Variants in SLC30A6 observed in about 807,000 individuals in gnomAD.
SLC30A6 encodes the protein zinc transporter 6.
Under a neutral mutation model 63.0 loss-of-function variants are expected in SLC30A6, and 55 were observed. The observed-to-expected ratio is 0.87, with a 90% CI of 0.70 to 1.09. The LOEUF (loss-of-function observed/expected upper bound fraction) is 1.09, where lower values mean the gene tolerates loss of function less well. Among genes scored for constraint, SLC30A6 ranks in the 50% least tolerant of loss-of-function variants. The pLI, the probability that SLC30A6 is intolerant of heterozygous loss-of-function variation, is 0.00. For missense variants in SLC30A6, 587 were observed against 549.2 expected (o/e 1.07, Z -0.69); for synonymous variants, 224 against 186.1 (o/e 1.20, Z -1.66).
At chr2:32,201,465 C>A (rs1048123829) in intron 10 of SLC30A6, 4 of 423,536 alleles carry the variant, frequency 9.4e-6, no homozygotes, top group Admixed American at 4.4e-5. Flanking sequence ...ATTAGTCTTT[C>A]TGTATCAAAA....
At position 32,220,735 on chromosome 2, in the gene SLC30A6, A is replaced by G. The variant is rs1686095320; in HGVS notation, c.*22A>G. 1.9e-6 allele frequency: 3 copies of G among 1,589,902 alleles called. No homozygotes were observed. Among genetic ancestry groups the G allele is most frequent in the Non-Finnish European group, 1.7e-6 (2 of 1,167,424 alleles). ...ATGATAGACTCTAACTTATTTTTAT[A>G]AGGAATATTGACTCCTTGGCTTCCA... On this transcript the variant is annotated 3_prime_UTR_variant, in exon 14 of 14. Coordinates refer to ENST00000282587, the MANE Select transcript of SLC30A6 (RefSeq NM_017964.5).
At chr2:32,203,117 T>C in intron 10 of SLC30A6, 1 of 1,309,420 alleles carries the variant, frequency 7.6e-7, no homozygotes, top group Non-Finnish European at 1.1e-6. Context: ...AAGGTAGTTT[T>C]AAAGTTTTGG....
intron 13 of SLC30A6, among the ~76,000 whole-genome samples, chr2:32,219,060 C>G (rs1685941376): frequency 6.6e-6 from 1 of 152,044 alleles, no homozygotes; most frequent in Non-Finnish European, 1.5e-5. Flanking sequence ...CTTCCTTCTT[C>G]CCTTCTTCTC....
intron 4 of SLC30A6, among the ~76,000 whole-genome samples, chr2:32,179,745 G>C (rs1283593482): frequency 1.3e-5 from 2 of 151,996 alleles, no homozygotes; most frequent in Non-Finnish European, 1.5e-5. Flanking sequence ...ATAAGAATAC[G>C]TACATGTATA....
At position 32,220,231 on chromosome 2, in the gene SLC30A6, A is replaced by G. The variant is rs139809110; in HGVS notation, c.904A>G (p.Arg302Gly). Residue 302 changes from arginine (R) to glycine (G), a missense_variant, in exon 14 of 14, where the codon AGA becomes GGA. Arg to Gly is a moderately radical substitution (Grantham distance 125). Transcript: ENST00000282587. The part of the protein sequence containing the change: ...FGSLAGSVHV[R>G]IRRDANEQMV... ...CTTTTAGGCTGGATCAGTGCATGTA[A>G]GAATTCGACGAGATGCCAATGAACA... is the stretch of plus-strand genomic sequence containing the variant. The G allele has an allele frequency of 6.2e-7, 1 of 1,613,788 alleles. No individual in the cohort carries two copies. The highest frequency in any genetic ancestry group is 8.5e-7 in the Non-Finnish European group (1 of 1,179,792).
rs951132068 is a variant in SLC30A6 at position 32,172,951 on chromosome 2, G to A, written c.91-1112G>A. 1.3e-5 allele frequency among the ~76,000 whole-genome samples: 2 copies of A among 152,180 alleles called. 1 individual carries two copies. The highest frequency in any genetic ancestry group is 4.2e-4 in the South Asian group (2 of 4,816). ...TCATTAGCACATCAGCCATCACTCCGCCTTCCCTCCTATTTCTCTGGACAA... is the reference window on the plus strand; with the variant it reads ...TCATTAGCACATCAGCCATCACTCCACCTTCCCTCCTATTTCTCTGGACAA... On this transcript the variant is annotated intron_variant, in intron 2 of 13. Coordinates refer to ENST00000282587, the MANE Select transcript of SLC30A6 (RefSeq NM_017964.5).
chr2:32,173,040 T>C (rs543823171), intron 2 of SLC30A6, among the ~76,000 whole-genome samples: 25 of 152,248 alleles, frequency 1.6e-4, no homozygotes, highest in Non-Finnish European at 3.2e-4. Context: ...ATGATGTCCC[T>C]ATAATTGTTC....
chr2:32,208,122 G>A (rs1423143025), intron 12 of SLC30A6, among the ~76,000 whole-genome samples: 2 of 151,358 alleles, frequency 1.3e-5, no homozygotes, highest in Non-Finnish European at 2.9e-5. Flanking sequence ...GTGAGCCACC[G>A]TGCCCAGCCT....
intron 2 of SLC30A6, among the ~76,000 whole-genome samples, chr2:32,173,136 A>G (rs1239588458): frequency 6.6e-6 from 1 of 152,170 alleles, no homozygotes; most frequent in African/African-American, 2.4e-5. Context: ...TTCCACTCTC[A>G]GGGCTGCTTC....
At chr2:32,179,814 G>C (rs1374026661) in intron 4 of SLC30A6, among the ~76,000 whole-genome samples, 1 of 152,092 alleles carries the variant, frequency 6.6e-6, no homozygotes, top group African/African-American at 2.4e-5. Flanking sequence ...ACATAGGAAA[G>C]ATAAACAAAC....
At chr2:32,169,789 G>T (rs951833273) in intron 1 of SLC30A6, among the ~76,000 whole-genome samples, 2 of 152,164 alleles carry the variant, frequency 1.3e-5, no homozygotes, top group African/African-American at 4.8e-5. Flanking sequence ...AGATGGATGT[G>T]ACTGTGTATA....
intron 13 of SLC30A6, among the ~76,000 whole-genome samples, chr2:32,210,377 G>C (rs1207556668): frequency 6.6e-6 from 1 of 151,848 alleles, no homozygotes; most frequent in Admixed American, 6.6e-5. Context: ...TGGGCGTGGG[G>C]TGTGGCACAC....
chr2:32,198,320 A>G (rs1052651317), intron 10 of SLC30A6, among the ~76,000 whole-genome samples: 2 of 152,124 alleles, frequency 1.3e-5, no homozygotes, highest in Non-Finnish European at 2.9e-5. Flanking sequence ...ATTTTCCTTA[A>G]AAATCACATG....
intron 1 of SLC30A6, among the ~76,000 whole-genome samples, chr2:32,168,247 A>C (rs1289241557): frequency 6.6e-6 from 1 of 151,970 alleles, no homozygotes; most frequent in Non-Finnish European, 1.5e-5. Flanking sequence ...TTTATAAAGC[A>C]CTGAAAACCT....
At chr2:32,218,731 A>AT (rs1237447953) in intron 13 of SLC30A6, among the ~76,000 whole-genome samples, 1 of 151,904 alleles carries the variant, frequency 6.6e-6, no homozygotes, top group Non-Finnish European at 1.5e-5. Flanking sequence ...TAATTTTTGT[A>AT]TTTTTAGTAG....
chr2:32,197,150 G>A (rs1683862932), intron 8 of SLC30A6, among the ~76,000 whole-genome samples, 194 bp from the exon 9 acceptor site: 2 of 152,172 alleles, frequency 1.3e-5, no homozygotes, highest in Admixed American at 6.5e-5. Context: ...TTGTATAATA[G>A]TTGAAACTGC....
intron 13 of SLC30A6, among the ~76,000 whole-genome samples, chr2:32,215,949 C>G (rs376786287): frequency 2.0e-5 from 3 of 152,150 alleles, no homozygotes; most frequent in African/African-American, 7.2e-5. Context: ...AGGTGCCCAT[C>G]AATCCTAGGT....
chr2:32,202,780 C>T, intron 10 of SLC30A6: 2 of 719,568 alleles, frequency 2.8e-6, no homozygotes, highest in Non-Finnish European at 2.6e-6. Flanking sequence ...CTTTTTTCTG[C>T]AGCTCGCCCA....
chr2:32,212,947 C>G (rs970024102), intron 13 of SLC30A6, among the ~76,000 whole-genome samples: 1 of 142,532 alleles, frequency 7.0e-6, no homozygotes, highest in African/African-American at 2.6e-5. Context: ...TGCCCTGTCA[C>G]CTAGGCTGGA....
Sources: allele counts gnomAD v4.1 joint callset (sites outside exome capture counted in the v4.1 genomes callset), GRCh38; gene constraint gnomAD v4.1.1; transcripts MANE v1.5; gene names NCBI Gene and HGNC (gene_info 2026-07-23, HGNC 2026-07-21).